The following PDE4D variants were observed in gnomAD, a reference collection of about 807,000 sequenced individuals.
PDE4D encodes phosphodiesterase 4D.
PDE4D carries 24 observed loss-of-function variants against 87.4 expected under a neutral mutation model. That is an observed-to-expected ratio of 0.27 (90% CI 0.20 to 0.39). The LOEUF is 0.39. PDE4D is among the 10% of genes least tolerant of loss of function. The pLI, the probability that PDE4D is intolerant of heterozygous loss-of-function variation, is 1.00. For synonymous variants in PDE4D, 384 were observed against 383.2 expected (o/e 1.00, Z -0.02); for missense variants, 714 against 1,041.0 (o/e 0.69, Z 4.32).
At chr5:59,409,791 T>C (rs1253744513) in intron 1 of PDE4D, among the ~76,000 whole-genome samples, 1 of 146,354 alleles carries the variant, frequency 6.8e-6, no homozygotes, top group South Asian at 2.1e-4. Flanking sequence ...AATGGCCTAA[T>C]ACATGGGGTA....
intron 2 of PDE4D, chr5:60,021,284 A>G (rs1460411636): frequency 1.3e-5 from 2 of 152,246 alleles, no homozygotes; most frequent in East Asian, 3.8e-4. Flanking sequence ...ATGACATGCA[A>G]CAAGAACAAC....
At chr5:60,389,713 T>C (rs950507359) in intron 1 of PDE4D, among the ~76,000 whole-genome samples, 3 of 152,138 alleles carry the variant, frequency 2.0e-5, no homozygotes, top group Non-Finnish European at 4.4e-5. Context: ...CGGGCCTTTC[T>C]ATGGGCTTCT....
At chr5:59,121,699 C>T (rs1457936664) in intron 5 of PDE4D, among the ~76,000 whole-genome samples, 6 of 152,182 alleles carry the variant, frequency 3.9e-5, no homozygotes, top group Admixed American at 6.5e-5. Flanking sequence ...CCACTATGTC[C>T]GGCAATCTCA....
At chr5:59,655,206 G>A (rs1485824063) in intron 1 of PDE4D, among the ~76,000 whole-genome samples, 2 of 151,582 alleles carry the variant, frequency 1.3e-5, no homozygotes, top group Admixed American at 1.3e-4. Context: ...GGTTCAGTTT[G>A]CGGCCACACA....
At chr5:60,121,997 C>T (rs751752516) in intron 2 of PDE4D, among the ~76,000 whole-genome samples, 2 of 152,130 alleles carry the variant, frequency 1.3e-5, no homozygotes, top group African/African-American at 4.8e-5. Context: ...AGGGCCCATG[C>T]AAGCTCAAAA....
chr5:59,792,829 A>T (rs1765970691), intron 1 of PDE4D, among the ~76,000 whole-genome samples: 1 of 152,200 alleles, frequency 6.6e-6, no homozygotes, highest in South Asian at 2.1e-4. Context: ...GAAGAGACAG[A>T]AGGACAGGAA....
At chr5:59,643,888 T>C (rs1282710889) in intron 1 of PDE4D, among the ~76,000 whole-genome samples, 16 of 152,200 alleles carry the variant, frequency 1.1e-4, no homozygotes, top group Non-Finnish European at 2.9e-5. Context: ...TAATAATACA[T>C]AAGGCCATAG....
At chr5:59,027,644 T>G (rs574067190) in intron 6 of PDE4D, among the ~76,000 whole-genome samples, 11 of 152,224 alleles carry the variant, frequency 7.2e-5, no homozygotes, top group Non-Finnish European at 1.5e-4. Flanking sequence ...CATTGGGAGC[T>G]CTTTCAGTTT....
intron 1 of PDE4D, among the ~76,000 whole-genome samples, chr5:59,516,280 C>T (rs572143005): frequency 2.6e-5 from 4 of 152,292 alleles, no homozygotes; most frequent in African/African-American, 9.6e-5. Context: ...CCTATCCCTC[C>T]TCCCCAGGCA....
chr5:59,532,896 T>G (rs1814494079), intron 1 of PDE4D, among the ~76,000 whole-genome samples: 1 of 152,298 alleles, frequency 6.6e-6, no homozygotes, highest in Non-Finnish European at 1.5e-5. Flanking sequence ...TTTGGAGTCT[T>G]CAGACCTCAG....
At chr5:60,122,995 T>C (rs1422270715) in intron 2 of PDE4D, among the ~76,000 whole-genome samples, 2 of 152,190 alleles carry the variant, frequency 1.3e-5, no homozygotes, top group East Asian at 3.9e-4. Flanking sequence ...CATGGCAAAA[T>C]GCTGTGAGTC....
intron 3 of PDE4D, among the ~76,000 whole-genome samples, chr5:59,902,591 T>A (rs1279081891): frequency 6.6e-6 from 1 of 152,146 alleles, no homozygotes; most frequent in Non-Finnish European, 1.5e-5. Context: ...ATTGATAATA[T>A]TGCAGTTCAT....
At chr5:59,104,804 A>T (rs1771321993) in intron 5 of PDE4D, among the ~76,000 whole-genome samples, 1 of 152,162 alleles carries the variant, frequency 6.6e-6, no homozygotes, top group Non-Finnish European at 1.5e-5. Flanking sequence ...GGCCTATGGC[A>T]TTTGAAGGAT....
chr5:59,893,375 G>C lies in PDE4D; in HGVS notation c.248C>G (p.Pro83Arg). Residue 83 changes from proline (P) to arginine (R), a missense_variant, in exon 1 of 15, where the codon CCG becomes CGG. Coordinates refer to ENST00000340635, the MANE Select transcript of PDE4D (RefSeq NM_001104631.2). Reference protein sequence around the residue: ...LQPPPPPPLPPPPPPPGAARG... With the variant: ...LQPPPPPPLPRPPPPPGAARG... ...GGCAGCCCCGGGCGGCGGCGGGGGC[G>C]GCGGCAGGGGGGGCGGCGGCGGCGG... The C allele has an allele frequency of 4.0e-6, 5 of 1,245,554 alleles. No homozygotes were observed. Among genetic ancestry groups the C allele is most frequent in the Non-Finnish European group, 4.0e-6 (4 of 995,776 alleles). The allele number at this position is 1,245,554 out of a possible 1,614,324, so 77.2% of individuals were successfully genotyped here. A position where few individuals can be genotyped will look rare whatever the true frequency, so the allele number is the denominator to read the frequency against.
chr5:60,423,956 G>C (rs551325513), intron 1 of PDE4D, among the ~76,000 whole-genome samples: 2 of 152,124 alleles, frequency 1.3e-5, no homozygotes, highest in Admixed American at 6.5e-5. Flanking sequence ...ATAAATTCCT[G>C]GACACATACA....
intron 2 of PDE4D, among the ~76,000 whole-genome samples, chr5:60,140,606 A>G (rs1479813291): frequency 6.6e-6 from 1 of 152,002 alleles, no homozygotes; most frequent in Non-Finnish European, 1.5e-5. Flanking sequence ...GTTGCCCAGT[A>G]GTACTGTTGT....
intron 1 of PDE4D, among the ~76,000 whole-genome samples, chr5:60,402,342 G>A (rs984922135): frequency 2.0e-5 from 3 of 152,320 alleles, no homozygotes; most frequent in Admixed American, 2.0e-4. Context: ...CTGAGTTGCA[G>A]TTCCCCATTT....
At chr5:59,470,717 T>C (rs1802310542) in intron 1 of PDE4D, among the ~76,000 whole-genome samples, 1 of 152,184 alleles carries the variant, frequency 6.6e-6, no homozygotes, top group Admixed American at 6.5e-5. Context: ...TTTCTCTGCT[T>C]TAGACATTTA....
intron 1 of PDE4D, among the ~76,000 whole-genome samples, chr5:59,500,083 T>C (rs933671377): frequency 3.3e-5 from 5 of 152,082 alleles, no homozygotes; most frequent in African/African-American, 1.2e-4. Context: ...GAATGGCTAG[T>C]ATATTAAAAA....
Sources: gnomAD v4.1 joint callset for allele counts (sites outside exome capture counted in the v4.1 genomes callset) on GRCh38, gnomAD v4.1.1 for gene constraint, MANE v1.5 for transcripts, NCBI Gene and HGNC (gene_info 2026-07-23, HGNC 2026-07-21) for gene names.